FMR1NB: variants seen among roughly 807,000 people sequenced by gnomAD.
The protein encoded by FMR1NB is FMR1 neighbor protein.
A neutral mutation model predicts 16.8 loss-of-function variants in FMR1NB; 10 were observed. The observed-to-expected ratio is 0.60, with a 90% CI of 0.37 to 1.01. The LOEUF (loss-of-function observed/expected upper bound fraction) is 1.01. Ranked by LOEUF, FMR1NB falls within the 50% of genes least tolerant of loss-of-function variation. FMR1NB has a pLI of 0.01. For synonymous variants in FMR1NB, 83 were observed against 79.1 expected, an observed-to-expected ratio of 1.05 and a Z score of -0.26; for missense variants, 205 against 204.8, an observed-to-expected ratio of 1.00 and a Z score of 0.00.
intron 4 of FMR1NB, among the ~76,000 whole-genome samples, chrX:148,011,967 C>T (rs2044627719): frequency 1.8e-5 from 2 of 111,630 alleles, no homozygotes; most frequent in Admixed American, 9.5e-5. Context: ...TAAGAATTCA[C>T]TAATAGCCAT....
chrX:148,025,029 A>T lies in FMR1NB; in HGVS notation c.*13+16A>T. ...GAGACCAAAGGTAATTGACAATAGG[A>T]TATAAAGTTGAAGTGCTCAATCTCT... On this transcript the variant is annotated intron_variant, in intron 5 of 5. Transcript: ENST00000370467. The T allele has an allele frequency of 5.0e-6, 6 of 1,200,302 alleles. No individual in the cohort carries two copies. Among genetic ancestry groups the T allele is most frequent in the Non-Finnish European group, 6.8e-6 (6 of 888,391 alleles).
chrX:147,993,153 G>C (rs1432133032), intron 1 of FMR1NB, among the ~76,000 whole-genome samples: 3 of 112,433 alleles, frequency 2.7e-5, no homozygotes. Context: ...ACGAGACTCC[G>C]TCTGCAATTC....
intron 1 of FMR1NB, among the ~76,000 whole-genome samples, chrX:148,002,975 G>T: frequency 8.9e-6 from 1 of 112,396 alleles, no homozygotes; most frequent in Non-Finnish European, 1.9e-5. Context: ...ACAATGGCAT[G>T]TGTCAGCCTA....
rs184372642 is a variant in FMR1NB at position 147,994,077 on chromosome X, C to T, written c.278-9124C>T. On this transcript the variant is annotated intron_variant, in intron 1 of 5. Transcript: ENST00000370467. ...CCCTCACAAACGTATTTTATGTTCT[C>T]ATCTGCACAAAGGCCTTAGATTTCC... Among the ~76,000 whole-genome samples the T allele has an allele frequency of 9.0e-5, 10 of 111,655 alleles. No individual in the cohort carries two copies. In the East Asian group the frequency reaches 1.7e-3, roughly 19 times the overall value.
At chrX:147,981,785 G>A in intron 1 of FMR1NB, 106 bp downstream of exon 1, 1 of 901,983 alleles carries the variant, frequency 1.1e-6, no homozygotes, top group South Asian at 2.6e-5. Flanking sequence ...AGGCCTTCCT[G>A]CCCCTTCCTG....
chrX:147,983,051 A>G (rs1271681734), intron 1 of FMR1NB, among the ~76,000 whole-genome samples: 2 of 112,200 alleles, frequency 1.8e-5, no homozygotes, highest in Non-Finnish European at 3.8e-5. Context: ...ACCCATACCC[A>G]TGAACCAGTT....
At chrX:147,982,873 G>A (rs1603067687) in intron 1 of FMR1NB, among the ~76,000 whole-genome samples, 4 of 111,807 alleles carry the variant, frequency 3.6e-5, no homozygotes, top group Admixed American at 1.9e-4. Flanking sequence ...CAGCTTGGGC[G>A]ACAGAGCGAG....
At chrX:147,996,005 A>G (rs2044539593) in intron 1 of FMR1NB, among the ~76,000 whole-genome samples, 1 of 111,791 alleles carries the variant, frequency 8.9e-6, no homozygotes, top group Admixed American at 9.5e-5. Flanking sequence ...CTAGGTGGGC[A>G]TTTTTCCTGT....
intron 4 of FMR1NB, among the ~76,000 whole-genome samples, chrX:148,011,404 C>T (rs2044624059): frequency 9.0e-6 from 1 of 111,514 alleles, no homozygotes; most frequent in African/African-American, 3.3e-5. Flanking sequence ...TCATTTTTTC[C>T]ACTATTGACC....
chrX:148,020,375 A>G (rs1438584665), intron 4 of FMR1NB, among the ~76,000 whole-genome samples: 1 of 112,102 alleles, frequency 8.9e-6, no homozygotes, highest in Non-Finnish European at 1.9e-5. Flanking sequence ...CTAAAAGCCC[A>G]CTTGGTGCTC....
At chrX:148,000,774 C>T (rs1330729487) in intron 1 of FMR1NB, among the ~76,000 whole-genome samples, 1 of 111,638 alleles carries the variant, frequency 9.0e-6, no homozygotes, top group Non-Finnish European at 1.9e-5. Context: ...CAACATTATA[C>T]TTCATTATGA....
At chrX:148,023,633 T>A (rs1274114852) in intron 4 of FMR1NB, among the ~76,000 whole-genome samples, 1 of 111,746 alleles carries the variant, frequency 8.9e-6, no homozygotes, top group East Asian at 2.8e-4. Context: ...TTCATAATAT[T>A]GTGTGCAAAT....
chrX:148,006,984 G>C, intron 3 of FMR1NB, 142 bp downstream of exon 3: 1 of 620,604 alleles, frequency 1.6e-6, no homozygotes, highest in Non-Finnish European at 2.3e-6. Context: ...AGAAGGTCCT[G>C]AGGTGGTCAT....
intron 1 of FMR1NB, among the ~76,000 whole-genome samples, chrX:147,985,897 G>C (rs782776818): frequency 1.8e-5 from 2 of 111,970 alleles, no homozygotes; most frequent in East Asian, 5.6e-4. Context: ...TTGCCACACT[G>C]TCTTCCACAA....
chrX:147,992,721 C>T (rs2044517826), intron 1 of FMR1NB, among the ~76,000 whole-genome samples: 1 of 65,725 alleles, frequency 1.5e-5, no homozygotes, highest in Admixed American at 1.6e-4. Context: ...GGCAGAGACG[C>T]TCCTCACCTC....
At chrX:147,986,285 T>C (rs977238946) in intron 1 of FMR1NB, among the ~76,000 whole-genome samples, 14 of 112,532 alleles carry the variant, frequency 1.2e-4, no homozygotes, top group African/African-American at 4.5e-4. Flanking sequence ...TTCACTCTGA[T>C]GATAGTTTCT....
chrX:148,001,508 C>T (rs943389194), intron 1 of FMR1NB, among the ~76,000 whole-genome samples: 10 of 110,669 alleles, frequency 9.0e-5, no homozygotes, highest in Non-Finnish European at 1.7e-4. Context: ...TAAGATAGGC[C>T]GGGTGCAGTG....
chrX:147,991,068 C>T (rs1557187572), intron 1 of FMR1NB, among the ~76,000 whole-genome samples: 1 of 111,186 alleles, frequency 9.0e-6, no homozygotes, highest in Non-Finnish European at 1.9e-5. Flanking sequence ...CAGAGTCCTA[C>T]CCTCCCGCAT....
At chrX:147,994,497 T>C (rs1449874136) in intron 1 of FMR1NB, among the ~76,000 whole-genome samples, 2 of 112,606 alleles carry the variant, frequency 1.8e-5, no homozygotes, top group African/African-American at 6.5e-5. Context: ...TTTCTACTAT[T>C]TATCTAAAAC....
Sources: gnomAD v4.1 joint callset for allele counts (sites outside exome capture counted in the v4.1 genomes callset) on GRCh38, gnomAD v4.1.1 for gene constraint, MANE v1.5 for transcripts, NCBI Gene and HGNC (gene_info 2026-07-23, HGNC 2026-07-21) for gene names.